DDX19A: variants seen among roughly 807,000 people sequenced by gnomAD.
DDX19A encodes the protein ATP-dependent RNA helicase DDX19A.
A neutral mutation model predicts 60.6 loss-of-function variants in DDX19A; 12 were observed. The ratio of observed to expected loss-of-function variants is 0.20; its 90% CI spans 0.13 to 0.32. The LOEUF is 0.32. Ranked by LOEUF, DDX19A falls within the 10% of genes least tolerant of loss-of-function variation. The probability of loss-of-function intolerance (pLI) is 1.00; values close to 1 mark genes in which losing one functional copy is unlikely to be tolerated. For missense variants in DDX19A, 337 were observed against 600.6 expected (o/e 0.56, Z 4.59); for synonymous variants, 206 against 218.2 (o/e 0.94, Z 0.49).
chr16:70,357,366 G>GTTTTTTTTTTTTTTTTTTTTTTT lies in DDX19A; in HGVS notation c.293+1133_293+1155dup, dbSNP rs71151183. Among the ~76,000 whole-genome samples, 18 of 44,580 alleles carry GTTTTTTTTTTTTTTTTTTTTTTT rather than the reference G, an allele frequency of 4.0e-4. 6 individuals carry two copies. The highest frequency in any genetic ancestry group is 7.1e-4 in the African/African-American group (8 of 11,256). The allele number at this position is 44,580 out of a possible 152,430, so 29.2% of individuals were successfully genotyped here. On this transcript the variant is annotated intron_variant, in intron 4 of 11. Coordinates refer to ENST00000302243, the MANE Select transcript of DDX19A (RefSeq NM_018332.5). Reference sequence around the variant, plus strand: ...AATCTGTCAAATCTGTTTTTGGTTTGTTTTTTTTTTTTTTTTTTTTTTTTT... The same window carrying GTTTTTTTTTTTTTTTTTTTTTTT: ...AATCTGTCAAATCTGTTTTTGGTTTGTTTTTTTTTTTTTTTTTTTTTTTTTTTTTTTTTTTTTTTTTTTTTTTT...
chr16:70,357,374 T>TG (rs1567652084), intron 4 of DDX19A, among the ~76,000 whole-genome samples: 13 of 43,482 alleles, frequency 3.0e-4, no homozygotes, highest in Non-Finnish European at 6.0e-4. Flanking sequence ...TTGTTTTTTT[T>TG]TTTTTTTTTT....
At chr16:70,369,212 G>C (rs1451866350) in intron 9 of DDX19A, among the ~76,000 whole-genome samples, 1 of 79,612 alleles carries the variant, frequency 1.3e-5, no homozygotes, top group African/African-American at 8.0e-5. Context: ...ACGGAATCTC[G>C]CCTCTTGCCC....
chr16:70,355,074 C>G (rs1964140151), intron 2 of DDX19A, among the ~76,000 whole-genome samples: 1 of 151,982 alleles, frequency 6.6e-6, no homozygotes. Context: ...ATTTTGATTA[C>G]TTAAAATAAC....
chr16:70,365,428 GACCTGCT>G (rs1170516514), intron 7 of DDX19A: 4 of 218,496 alleles, frequency 1.8e-5, no homozygotes, highest in African/African-American at 9.4e-5. Flanking sequence ...AGAGTTCTGG[GACCTGCT>G]ACCAAAGAGG....
At chr16:70,366,570 T>C (rs1348056187) in intron 8 of DDX19A, 54 bp from the exon 9 acceptor site, 1 of 1,608,658 alleles carries the variant, frequency 6.2e-7, no homozygotes, top group East Asian at 2.2e-5. Context: ...GAGGCTGTGC[T>C]TCCGTTGCTT....
chr16:70,366,200 G>A lies in DDX19A; in HGVS notation c.720G>A (p.Leu240=). The change falls in exon 8 of 12, where the codon CTG becomes CTA. Residue 240 remains leucine, a synonymous_variant. Transcript: ENST00000302243. ...CCAAGAAAATCAAGGTGTTTGTTCT[G>A]GATGAGGCTGATGTCATGATAGCCA... ...IDPKKIKVFV[L]DEADVMIATQ... is the part of the protein sequence containing the mutation. The A allele has an allele frequency of 6.2e-7, 1 of 1,614,070 alleles. No homozygotes were observed. Among genetic ancestry groups the A allele is most frequent in the Non-Finnish European group, 8.5e-7 (1 of 1,180,014 alleles).
intron 8 of DDX19A, 40 bp from the exon 9 acceptor site, chr16:70,366,584 A>G (rs1964527491): frequency 8.1e-6 from 13 of 1,612,160 alleles, no homozygotes; most frequent in East Asian, 4.5e-5. Context: ...GTTGCTTCCC[A>G]GGGCCACCTG....
At chr16:70,365,193 G>A in intron 7 of DDX19A, 62 bp downstream of exon 7, 1 of 1,121,810 alleles carries the variant, frequency 8.9e-7, no homozygotes. Flanking sequence ...TTTGAATTTT[G>A]AAGATGCGAT....
At chr16:70,356,840 T>G (rs1964204473) in intron 4 of DDX19A, 2 of 1,244,586 alleles carry the variant, frequency 1.6e-6, no homozygotes, top group Non-Finnish European at 2.1e-6. Context: ...TCTCTTATAC[T>G]CTTAGAACTT....
At chr16:70,370,191 CTT>C in intron 9 of DDX19A, 30 bp from the exon 10 acceptor site, 2 of 1,597,550 alleles carry the variant, frequency 1.3e-6, no homozygotes, top group Non-Finnish European at 1.7e-6. Context: ...TACTCAAATA[CTT>C]TCATTTCTCA....
At chr16:70,353,139 TTC>T (rs1491373459) in intron 2 of DDX19A, among the ~76,000 whole-genome samples, 1 of 151,924 alleles carries the variant, frequency 6.6e-6, no homozygotes, top group African/African-American at 2.4e-5. Context: ...CTTTTTTTTT[TTC>T]TTTGAGATGG....
chr16:70,364,959 C>G, intron 6 of DDX19A, 58 bp from the exon 7 acceptor site: 1 of 1,386,320 alleles, frequency 7.2e-7, no homozygotes, highest in Non-Finnish European at 1.0e-6. Flanking sequence ...TACTGGGTGC[C>G]TTCAGGTCTG....
chr16:70,362,727 G>A (rs1222351906), intron 5 of DDX19A, among the ~76,000 whole-genome samples: 1 of 152,038 alleles, frequency 6.6e-6, no homozygotes, highest in Non-Finnish European at 1.5e-5. Context: ...ATAGGCATGT[G>A]CCACCATGCC....
intron 5 of DDX19A, among the ~76,000 whole-genome samples, chr16:70,361,805 G>A (rs958647903): frequency 6.6e-6 from 1 of 152,116 alleles, no homozygotes; most frequent in African/African-American, 2.4e-5. Context: ...GGGAGGCCGA[G>A]GCGGGCGGAT....
Position 70,356,230 on chromosome 16 carries a change from G to A in DDX19A, c.276G>A (p.Ser92=), listed in dbSNP as rs768296316. ...ACTCCCCTCTGTACTCGGTGAAGTC[G>A]TTTGAAGAGCTTCGGCTGTGAGTAT... ...DPNSPLYSVK[S]FEELRLKPQL... Residue 92 remains serine (S), a synonymous_variant, in exon 4 of 12, where the codon TCG becomes TCA. Coordinates refer to ENST00000302243, the MANE Select transcript of DDX19A (RefSeq NM_018332.5). 1.7e-5 allele frequency: 28 copies of A among 1,614,072 alleles called. No individual in the cohort carries two copies. The highest frequency in any genetic ancestry group is 4.0e-5 in the African/African-American group (3 of 74,918).
chr16:70,359,749 T>C (rs1177681906), intron 4 of DDX19A, among the ~76,000 whole-genome samples: 1 of 151,876 alleles, frequency 6.6e-6, no homozygotes, highest in Non-Finnish European at 1.5e-5. Flanking sequence ...CCCCAGCTAC[T>C]CAAGGGTGGG....
At chr16:70,347,911 A>G (rs1963887033) in intron 1 of DDX19A, 1 of 384,222 alleles carries the variant, frequency 2.6e-6, no homozygotes, top group Non-Finnish European at 5.2e-6. Context: ...GCTGGTCTCG[A>G]ACTCCCGACC....
chr16:70,350,404 T>G (rs1417917683), intron 1 of DDX19A, among the ~76,000 whole-genome samples, 153 bp from the exon 2 acceptor site: 1 of 152,210 alleles, frequency 6.6e-6, no homozygotes, highest in Non-Finnish European at 1.5e-5. Flanking sequence ...ACACAGACTT[T>G]CAGCAACTCT....
At chr16:70,350,482 A>T in intron 1 of DDX19A, 75 bp from the exon 2 acceptor site, 1 of 1,139,838 alleles carries the variant, frequency 8.8e-7, no homozygotes, top group Non-Finnish European at 1.3e-6. Flanking sequence ...TTTTACTAGA[A>T]AGTTTTTCTT....
Sources: gnomAD v4.1 joint callset for allele counts (sites outside exome capture counted in the v4.1 genomes callset) on GRCh38, gnomAD v4.1.1 for gene constraint, MANE v1.5 for transcripts, NCBI Gene and HGNC (gene_info 2026-07-23, HGNC 2026-07-21) for gene names.